Variants in TMBIM6 observed in about 807,000 individuals in gnomAD.
TMBIM6 encodes bax inhibitor 1.
In TMBIM6, 13 loss-of-function variants were observed where a neutral mutation model predicts 31.4. The ratio of observed to expected loss-of-function variants is 0.41; its 90% CI spans 0.27 to 0.66. The LOEUF (loss-of-function observed/expected upper bound fraction) is 0.66, where lower values mean the gene tolerates loss of function less well. Among genes scored for constraint, TMBIM6 ranks in the 30% least tolerant of loss-of-function variants. The probability of loss-of-function intolerance (pLI) is 0.28; values close to 1 mark genes in which losing one functional copy is unlikely to be tolerated. For synonymous variants in TMBIM6, 85 were observed against 101.7 expected (o/e 0.84, Z 0.99); for missense variants, 275 against 289.5 (o/e 0.95, Z 0.36).
In TMBIM6 at chr12:49,755,757, T is replaced by C; in HGVS notation, c.286+2T>C. 1 of 1,613,544 alleles carries C rather than the reference T, an allele frequency of 6.2e-7. No homozygotes were observed. The highest frequency in any genetic ancestry group is 8.5e-7 in the Non-Finnish European group (1 of 1,179,768). On this transcript the variant is annotated splice_donor_variant, in intron 4 of 9. Transcript: ENST00000267115. LOFTEE classifies it high-confidence loss of function. ...TTGCTGGATTTGCATTCCTTACAGG[T>C]ACGTTAAGGGATTTGTCTAATTTTG... is the stretch of plus-strand genomic sequence containing the variant.
intron 1 of TMBIM6, among the ~76,000 whole-genome samples, chr12:49,746,030 T>A (rs1431611845): frequency 6.6e-6 from 1 of 152,044 alleles, no homozygotes; most frequent in Non-Finnish European, 1.5e-5. Flanking sequence ...TTACCAGTAA[T>A]GAGATTTTTC....
At chr12:49,758,818 C>CTTTTTTTTTTTTTTTTTT in intron 7 of TMBIM6, 56 bp downstream of exon 7, 1 of 1,161,206 alleles carries the variant, frequency 8.6e-7, no homozygotes, top group Non-Finnish European at 1.2e-6. Flanking sequence ...TCTTTCTTTC[C>CTTTTTTTTTTTTTTTTTT]TTTTTTTTTT....
intron 1 of TMBIM6, among the ~76,000 whole-genome samples, chr12:49,744,079 C>G (rs1289060974): frequency 6.6e-6 from 1 of 152,078 alleles, no homozygotes; most frequent in Non-Finnish European, 1.5e-5. Flanking sequence ...TATTACATTG[C>G]CTTTTTGAAC....
At chr12:49,755,995 G>T (rs146044940) in intron 4 of TMBIM6, among the ~76,000 whole-genome samples, 2 of 151,648 alleles carry the variant, frequency 1.3e-5, no homozygotes, top group Non-Finnish European at 2.9e-5. Context: ...CACCACACCC[G>T]GCTAATATTT....
chr12:49,747,353 G>A (rs1297927606), intron 1 of TMBIM6, among the ~76,000 whole-genome samples: 1 of 152,060 alleles, frequency 6.6e-6, no homozygotes, highest in East Asian at 1.9e-4. Flanking sequence ...TCTGTTACCA[G>A]GCTGGAGTGA....
intron 1 of TMBIM6, among the ~76,000 whole-genome samples, chr12:49,744,019 A>G (rs1345785711): frequency 6.6e-6 from 1 of 152,216 alleles, no homozygotes; most frequent in Non-Finnish European, 1.5e-5. Flanking sequence ...CCTAGGTTAT[A>G]TAGTAGAAAG....
chr12:49,758,697 G>C lies in TMBIM6; in HGVS notation c.448G>C (p.Ala150Pro). 6.2e-7 allele frequency: 1 copy of C among 1,614,106 alleles called. No individual in the cohort carries two copies. The highest frequency in any genetic ancestry group is 8.5e-7 in the Non-Finnish European group (1 of 1,180,026). Residue 150 changes from alanine to proline, a missense_variant, in exon 7 of 10, where the codon GCC (alanine) becomes CCC (proline). Ala to Pro is a conservative substitution (Grantham distance 27, BLOSUM62 -1). Coordinates refer to ENST00000267115, the MANE Select transcript of TMBIM6 (RefSeq NM_003217.3). ...YLFLGGILMSALSLLLLSSLG... is the reference protein window; with the variant it reads ...YLFLGGILMSPLSLLLLSSLG... ...GTGTCTTATAGGTATCTTGATGTCA[G>C]CCCTGAGCTTGTTGCTTTTGTCTTC...
intron 3 of TMBIM6, among the ~76,000 whole-genome samples, chr12:49,754,262 C>A (rs1347747129): frequency 6.6e-6 from 1 of 152,164 alleles, no homozygotes; most frequent in African/African-American, 2.4e-5. Context: ...GCTGGGAATA[C>A]AAGCACATGC....
intron 1 of TMBIM6, among the ~76,000 whole-genome samples, chr12:49,747,607 C>T (rs1259994440): frequency 3.3e-5 from 5 of 152,168 alleles, no homozygotes; most frequent in Admixed American, 1.3e-4. Context: ...TTGTGCATGG[C>T]CTTTTTCCTT....
intron 1 of TMBIM6, among the ~76,000 whole-genome samples, chr12:49,748,439 G>GT (rs546883938): frequency 1.5e-3 from 229 of 152,304 alleles, no homozygotes; most frequent in African/African-American, 5.4e-3. Context: ...GTTTACTTGA[G>GT]TTTTTTCTTG....
chr12:49,741,940 T>C, intron 1 of TMBIM6: 1 of 780,186 alleles, frequency 1.3e-6, no homozygotes. Flanking sequence ...CCGCTCCTTC[T>C]CCTCTACTAA....
At chr12:49,759,841 G>C (rs1479209164) in intron 8 of TMBIM6, among the ~76,000 whole-genome samples, 1 of 148,602 alleles carries the variant, frequency 6.7e-6, no homozygotes, top group Non-Finnish European at 1.5e-5. Flanking sequence ...GGCCGGGCAC[G>C]GTGGCTCACG....
chr12:49,762,772 G>A, intron 9 of TMBIM6, 101 bp from the exon 10 acceptor site: 1 of 1,079,626 alleles, frequency 9.3e-7, no homozygotes, highest in Non-Finnish European at 1.4e-6. Context: ...CTTTTTAATT[G>A]TCTGGCTCAC....
At chr12:49,761,258 G>T (rs1945713792) in intron 8 of TMBIM6, among the ~76,000 whole-genome samples, 1 of 152,100 alleles carries the variant, frequency 6.6e-6, no homozygotes, top group Non-Finnish European at 1.5e-5. Context: ...CACCCAAGCT[G>T]CAGTAGGAGA....
intron 4 of TMBIM6, among the ~76,000 whole-genome samples, chr12:49,756,250 C>G (rs1945591012): frequency 6.6e-6 from 1 of 152,050 alleles, no homozygotes. Context: ...ATTCTCCTGC[C>G]TCAGCCTCCC....
At chr12:49,744,197 T>C (rs1945349643) in intron 1 of TMBIM6, among the ~76,000 whole-genome samples, 1 of 152,218 alleles carries the variant, frequency 6.6e-6, no homozygotes, top group African/African-American at 2.4e-5. Context: ...TTATAAATTT[T>C]ATATAAATAT....
In TMBIM6 at chr12:49,758,392, C is replaced by T. The variant is rs1945646816; in HGVS notation, c.345C>T (p.Pro115=). 1.2e-6 allele frequency: 2 copies of T among 1,614,208 alleles called. No homozygotes were observed. The highest frequency in any genetic ancestry group is 1.7e-6 in the Non-Finnish European group (2 of 1,180,034). ...TCTTTTTTTCTAACAGCATCCTTCC[C>T]ACTGCTTTCATGGGCACGGCAATGA... ...FCIAVNPSIL[P]TAFMGTAMIF... Residue 115 remains proline, a synonymous_variant, in exon 6 of 10, where the codon CCC becomes CCT. Coordinates refer to ENST00000267115, the MANE Select transcript of TMBIM6 (RefSeq NM_003217.3).
At chr12:49,760,355 G>A (rs934581121) in intron 8 of TMBIM6, among the ~76,000 whole-genome samples, 1 of 152,048 alleles carries the variant, frequency 6.6e-6, no homozygotes, top group Non-Finnish European at 1.5e-5. Context: ...TGCTCAAGCA[G>A]TACTCCTGCC....
chr12:49,753,919 T>C (rs901511706), intron 3 of TMBIM6, among the ~76,000 whole-genome samples: 2 of 148,300 alleles, frequency 1.3e-5, no homozygotes, highest in East Asian at 1.9e-4. Flanking sequence ...TCAATACTCA[T>C]GGCACTTTTT....
Sources: gnomAD v4.1 joint callset for allele counts (sites outside exome capture counted in the v4.1 genomes callset) on GRCh38, gnomAD v4.1.1 for gene constraint, MANE v1.5 for transcripts, NCBI Gene and HGNC (gene_info 2026-07-23, HGNC 2026-07-21) for gene names.